Variants in THOC6 observed in about 807,000 individuals in gnomAD.
The protein encoded by THOC6 is THO complex subunit 6.
Under a neutral mutation model 55.8 loss-of-function variants are expected in THOC6, and 39 were observed. The observed-to-expected ratio is 0.70, with a 90% CI of 0.54 to 0.91. THOC6 has a LOEUF of 0.91. THOC6 is among the 40% of genes least tolerant of loss of function. The probability of loss-of-function intolerance (pLI) is 0.00; values close to 1 mark genes in which losing one functional copy is unlikely to be tolerated. For synonymous variants in THOC6, 192 were observed against 175.6 expected, an observed-to-expected ratio of 1.09 and a Z score of -0.74; for missense variants, 482 against 442.0, an observed-to-expected ratio of 1.09 and a Z score of -0.81.
intron 1 of THOC6, 148 bp from the exon 2 acceptor site, chr16:3,025,560 G>A (rs1196749348): frequency 3.0e-6 from 2 of 669,382 alleles, no homozygotes; most frequent in African/African-American, 3.6e-5. Flanking sequence ...GCATGGGCAG[G>A]TGCTGGCTTG....
In THOC6 at chr16:3,024,152, T is replaced by C; in HGVS notation, c.-175T>C. 2.6e-6 allele frequency: 2 copies of C among 773,228 alleles called. No homozygotes were observed. The highest frequency in any genetic ancestry group is 4.2e-6 in the Non-Finnish European group (2 of 475,544). 47.9% of individuals were successfully genotyped at this position (773,228 alleles called of 1,614,324 possible). A position where few individuals can be genotyped will look rare whatever the true frequency, so the allele number is the denominator to read the frequency against. On this transcript the variant is annotated 5_prime_UTR_variant, in exon 1 of 13. Transcript: ENST00000326266. Reference sequence around the variant, plus strand: ...AGGGGGCTGCGGTGGACACCACTTCTTAATGTCGGGGGTCTTCGCGGCGCT... The same window carrying C: ...AGGGGGCTGCGGTGGACACCACTTCCTAATGTCGGGGGTCTTCGCGGCGCT...
chr16:3,027,578 T>G lies in THOC6; in HGVS notation c.947T>G (p.Val316Gly). ...NQQPAAPECK[V>G]LTAAGNSCRV... is the part of the protein sequence containing the mutation. ...CAGTCATGCCCCTCTTTCCTCCAGG[T>G]CCTGACAGCTGCAGGCAACAGCTGC... is the stretch of plus-strand genomic sequence containing the variant. The change falls in exon 13 of 13, where the codon GTC becomes GGC. Residue 316 changes from valine (V) to glycine (G), a missense_variant and splice_region_variant. Val to Gly is a moderately radical substitution (Grantham distance 109, BLOSUM62 -3). Coordinates refer to ENST00000326266, the MANE Select transcript of THOC6 (RefSeq NM_024339.5). 1.2e-6 allele frequency: 2 copies of G among 1,613,958 alleles called. No homozygotes were observed. Among genetic ancestry groups the G allele is most frequent in the Non-Finnish European group, 1.7e-6 (2 of 1,179,980 alleles).
At chr16:3,024,386 G>T (rs113792701) in intron 1 of THOC6, 21 bp downstream of exon 1, 5 of 1,614,108 alleles carry the variant, frequency 3.1e-6, no homozygotes, top group Non-Finnish European at 4.2e-6. Context: ...CGTGGTGCGC[G>T]TTGCCTTCTG....
In THOC6 at chr16:3,025,805, G is replaced by A; in HGVS notation, c.137G>A (p.Gly46Glu). Residue 46 changes from glycine to glutamate, a missense_variant, in exon 2 of 13, where the codon GGG becomes GAG. Gly to Glu is a moderately conservative substitution (Grantham distance 98, BLOSUM62 -2). Transcript: ENST00000326266. The stretch of plus-strand genomic sequence containing the variant: ...TTTCTGGCGGCTGGCAACAATTACG[G>A]GCAGATTGCCATCTTCAGGTACCCT... ...GKFLAAGNNY[G>E]QIAIFSLSSA... 2 of 1,614,168 alleles carry A rather than the reference G, an allele frequency of 1.2e-6. No individual in the cohort carries two copies. Among genetic ancestry groups the A allele is most frequent in the East Asian group, 2.2e-5 (1 of 44,890 alleles).
Position 3,026,528 on chromosome 16 carries a change from A to G in THOC6, c.424A>G (p.Ile142Val), listed in dbSNP as rs1236377921. 2 of 1,613,962 alleles carry G rather than the reference A, an allele frequency of 1.2e-6. No homozygotes were observed. Among genetic ancestry groups the G allele is most frequent in the African/African-American group, 2.7e-5 (2 of 74,958 alleles). ...TGCTCCTCCACAGGAGAATTCCCTCATCCTGGCTGGGGGAGACTGTCAGTT... is the reference window on the plus strand; with the variant it reads ...TGCTCCTCCACAGGAGAATTCCCTCGTCCTGGCTGGGGGAGACTGTCAGTT... ...LLLVPKENSL[I>V]LAGGDCQLHT... The change falls in exon 7 of 13, where the codon ATC becomes GTC. Residue 142 changes from isoleucine (I) to valine (V), a missense_variant. Physicochemically the swap from Ile to Val is conservative, Grantham distance 29. Transcript: ENST00000326266.
Position 3,027,431 on chromosome 16 carries a change from G to A in THOC6, c.876G>A (p.Gln292=). The A allele has an allele frequency of 6.2e-7, 1 of 1,612,050 alleles. No homozygotes were observed. The highest frequency in any genetic ancestry group is 1.1e-5 in the South Asian group (1 of 91,018). ...AGCTGAGCGGGGAGCTGAAGGCCCA[G>A]GTGCCTGGCTCCTCCCCAGGGCTGC... ...QWQLSGELKA[Q]VPGSSPGLLS... is the part of the protein sequence containing the mutation. Residue 292 remains glutamine (Q), a synonymous_variant, in exon 12 of 13, where the codon CAG becomes CAA. Coordinates refer to ENST00000326266, the MANE Select transcript of THOC6 (RefSeq NM_024339.5).
chr16:3,024,411 C>A, intron 1 of THOC6, 46 bp downstream of exon 1: 1 of 1,612,252 alleles, frequency 6.2e-7, no homozygotes, highest in Non-Finnish European at 8.5e-7. Flanking sequence ...TTGTAGTTCA[C>A]GCATGGCTGG....
chr16:3,026,507 C>T lies in THOC6; in HGVS notation c.412-9C>T, dbSNP rs2072797714. On this transcript the variant is annotated splice_polypyrimidine_tract_variant and intron_variant, in intron 6 of 12. Transcript: ENST00000326266. ...CATTGACTTTCTGCCTCATCCTGCT[C>T]CTCCACAGGAGAATTCCCTCATCCT... 2.5e-6 allele frequency: 4 copies of T among 1,614,124 alleles called. No homozygotes were observed. The highest frequency in any genetic ancestry group is 2.5e-6 in the Non-Finnish European group (3 of 1,180,004).
At chr16:3,024,768 G>A (rs2072740441) in intron 1 of THOC6, among the ~76,000 whole-genome samples, 1 of 150,582 alleles carries the variant, frequency 6.6e-6, no homozygotes, top group Admixed American at 6.6e-5. Context: ...CCAAGTAGCT[G>A]GGACTATAGG....
chr16:3,027,287 C>A lies in THOC6; in HGVS notation c.810+7C>A. ...CACCTTCTACCAGGACCTGGTGAGG[C>A]CCTGTGTCTCACTTCTGCCACCCCC... On this transcript the variant is annotated splice_region_variant and intron_variant, in intron 11 of 12. Coordinates refer to ENST00000326266, the MANE Select transcript of THOC6 (RefSeq NM_024339.5). 1 of 1,614,132 alleles carries A rather than the reference C, an allele frequency of 6.2e-7. No homozygotes were observed. The highest frequency in any genetic ancestry group is 8.5e-7 in the Non-Finnish European group (1 of 1,179,990).
chr16:3,024,534 A>G (rs560302940), intron 1 of THOC6, among the ~76,000 whole-genome samples, 169 bp downstream of exon 1: 7 of 151,876 alleles, frequency 4.6e-5, no homozygotes, highest in African/African-American at 1.7e-4. Context: ...TCAGGGGCTT[A>G]ACGCAAGTCA....
Position 3,024,267 on chromosome 16 carries a change from A to C in THOC6, c.-60A>C, listed in dbSNP as rs1249185874. 16 of 1,608,740 alleles carry C rather than the reference A, an allele frequency of 9.9e-6. No homozygotes were observed. Among genetic ancestry groups the C allele is most frequent in the Admixed American group, 1.7e-5 (1 of 59,948 alleles). On this transcript the variant is annotated 5_prime_UTR_variant, in exon 1 of 13. Coordinates refer to ENST00000326266, the MANE Select transcript of THOC6 (RefSeq NM_024339.5). Reference sequence around the variant, plus strand: ...GCCACGGAGAGGAACCGCTCTAGGCACGTAAGGCCTCGTGAGGTTGCGTCG... The same window carrying C: ...GCCACGGAGAGGAACCGCTCTAGGCCCGTAAGGCCTCGTGAGGTTGCGTCG...
At position 3,027,712 on chromosome 16, in the gene THOC6, T is replaced by C. The variant is rs1470717981; in HGVS notation, c.*55T>C. The C allele has an allele frequency of 1.5e-5, 8 of 534,648 alleles. No homozygotes were observed. The highest frequency in any genetic ancestry group is 7.3e-5 in the Admixed American group (1 of 13,754). The allele number at this position is 534,648 out of a possible 1,614,324, so 33.1% of individuals were successfully genotyped here. ...GTTTTAGAGTGTTTTTCATTTTCTT[T>C]TTTTTTTTTTTTTTACAATAAAGTT... On this transcript the variant is annotated 3_prime_UTR_variant, in exon 13 of 13. Transcript: ENST00000326266.
rs1418770162 is a variant in THOC6, at chr16:3,027,235, C to T, written c.765C>T (p.Phe255=). ...HLRSSTPTTI[F]PIRAPQKHVT... ...GATCCTCCACACCCACCACCATCTTCCCCATCCGGGCGCCACAGAAGCACG... is the reference window on the plus strand; with the variant it reads ...GATCCTCCACACCCACCACCATCTTTCCCATCCGGGCGCCACAGAAGCACG... Residue 255 remains phenylalanine, a synonymous_variant, in exon 11 of 13, where the codon TTC becomes TTT. Coordinates refer to ENST00000326266, the MANE Select transcript of THOC6 (RefSeq NM_024339.5). The T allele has an allele frequency of 6.2e-7, 1 of 1,614,202 alleles. No homozygotes were observed. The highest frequency in any genetic ancestry group is 8.5e-7 in the Non-Finnish European group (1 of 1,180,040).
rs547452377 is a variant in THOC6 at position 3,024,935 on chromosome 16, A to G, written c.39+570A>G. Among the ~76,000 whole-genome samples, 338 of 103,750 alleles carry G rather than the reference A, an allele frequency of 3.3e-3. 1 individual carries two copies. Among genetic ancestry groups the G allele is most frequent in the African/African-American group, 0.012 (281 of 23,898 alleles). The allele number at this position is 103,750 out of a possible 152,430, so 68.1% of individuals were successfully genotyped here. A position where few individuals can be genotyped will look rare whatever the true frequency, so the allele number is the denominator to read the frequency against. On this transcript the variant is annotated intron_variant, in intron 1 of 12. Coordinates refer to ENST00000326266, the MANE Select transcript of THOC6 (RefSeq NM_024339.5). ...CAGGTGTGAGCCACCACGCCCGGCC[A>G]AATTTTTTTTTTTTTTTTTTTTTTG...
At chr16:3,026,464 C>T (rs747402751) in intron 6 of THOC6, 51 bp downstream of exon 6, 160 of 1,614,022 alleles carry the variant, frequency 9.9e-5, no homozygotes, top group Non-Finnish European at 6.8e-6. Context: ...CCTTCACCCT[C>T]TGCCTATCCT....
Position 3,024,271 on chromosome 16 carries a change from A to G in THOC6, c.-56A>G. The G allele has an allele frequency of 6.2e-7, 1 of 1,610,344 alleles. No individual in the cohort carries two copies. Among genetic ancestry groups the G allele is most frequent in the Non-Finnish European group, 8.5e-7 (1 of 1,176,788 alleles). On this transcript the variant is annotated 5_prime_UTR_variant, in exon 1 of 13. Transcript: ENST00000326266. ...CGGAGAGGAACCGCTCTAGGCACGT[A>G]AGGCCTCGTGAGGTTGCGTCGCGCG... is the stretch of plus-strand genomic sequence containing the variant.
chr16:3,027,508 C>G lies in THOC6; in HGVS notation c.945+8C>G. The stretch of plus-strand genomic sequence containing the variant: ...GCCGCGCCTGAGTGCAAGGTGGGTC[C>G]GGCAGGGGCCGCGGAGCGGCTGGGA... On this transcript the variant is annotated splice_region_variant and intron_variant, in intron 12 of 12. Transcript: ENST00000326266. 1.2e-6 allele frequency: 2 copies of G among 1,611,366 alleles called. No homozygotes were observed. The highest frequency in any genetic ancestry group is 8.5e-7 in the Non-Finnish European group (1 of 1,178,728).
Position 3,024,118 on chromosome 16 carries a change from T to G in THOC6, c.-209T>G. On this transcript the variant is annotated 5_prime_UTR_variant, in exon 1 of 13. Coordinates refer to ENST00000326266, the MANE Select transcript of THOC6 (RefSeq NM_024339.5). Reference sequence around the variant, plus strand: ...TTGCTCCTCGGGGTGGGGGAGGGTATCCGGCTTAAGGGGGCTGCGGTGGAC... The same window carrying G: ...TTGCTCCTCGGGGTGGGGGAGGGTAGCCGGCTTAAGGGGGCTGCGGTGGAC... The G allele has an allele frequency of 4.2e-6, 3 of 712,216 alleles. 1 individual carries two copies. In the South Asian group the frequency reaches 5.5e-5, roughly 13 times the overall value. 44.1% of individuals were successfully genotyped at this position (712,216 alleles called of 1,614,324 possible).
Sources: allele counts gnomAD v4.1 joint callset (sites outside exome capture counted in the v4.1 genomes callset), GRCh38; gene constraint gnomAD v4.1.1; transcripts MANE v1.5; gene names NCBI Gene and HGNC (gene_info 2026-07-23, HGNC 2026-07-21).